CSMD1: variants seen among roughly 807,000 people sequenced by gnomAD.
The protein encoded by CSMD1 is CUB and sushi domain-containing protein 1.
In CSMD1, 213 loss-of-function variants were observed where a neutral mutation model predicts 417.5. The observed-to-expected ratio is 0.51, with a 90% CI of 0.46 to 0.57. The LOEUF (loss-of-function observed/expected upper bound fraction) is 0.57. Ranked by LOEUF, CSMD1 falls within the 20% of genes least tolerant of loss-of-function variation. The pLI is 0.00. For synonymous variants in CSMD1, 2,862 were observed against 1,736.8 expected (o/e 1.65, Z -16.11); for missense variants, 6,923 against 4,529.7 (o/e 1.53, Z -15.17).
intron 3 of CSMD1, among the ~76,000 whole-genome samples, chr8:4,191,415 A>G (rs1050217009): frequency 2.6e-5 from 4 of 151,954 alleles, no homozygotes; most frequent in African/African-American, 4.8e-5. Flanking sequence ...AAAAAACAAA[A>G]CAAAACAAAA....
At chr8:3,845,266 G>C (rs779434787) in intron 5 of CSMD1, among the ~76,000 whole-genome samples, 5 of 152,176 alleles carry the variant, frequency 3.3e-5, no homozygotes, top group Non-Finnish European at 7.3e-5. Flanking sequence ...ATTTGTCCTT[G>C]TGCAAATATC....
At chr8:2,999,424 G>T (rs529457644) in intron 53 of CSMD1, among the ~76,000 whole-genome samples, 3 of 152,266 alleles carry the variant, frequency 2.0e-5, no homozygotes, top group Non-Finnish European at 1.5e-5. Context: ...AAAGTGCTGG[G>T]ATTACAGGCG....
At chr8:4,400,242 A>G (rs1804556154) in intron 3 of CSMD1, among the ~76,000 whole-genome samples, 1 of 152,220 alleles carries the variant, frequency 6.6e-6, no homozygotes, top group Non-Finnish European at 1.5e-5. Context: ...TGGACATGGA[A>G]GAAGTTCTGG....
chr8:4,117,757 T>G (rs1802240660), intron 3 of CSMD1, among the ~76,000 whole-genome samples: 1 of 152,010 alleles, frequency 6.6e-6, no homozygotes, highest in African/African-American at 2.4e-5. Context: ...AAATAGATAT[T>G]CAGAAACACA....
In CSMD1 at chr8:3,255,125, C is replaced by T. The variant is rs148589138; in HGVS notation, c.4154-24894G>A. On this transcript the variant is annotated intron_variant, in intron 26 of 69. Coordinates refer to ENST00000635120, the MANE Select transcript of CSMD1 (RefSeq NM_033225.6). ...TCAGCTGCCGGTCTCTTGGAGTTTGCGGAGGTCCACTCCAGAACCTATTTG... is the reference window on the plus strand; with the variant it reads ...TCAGCTGCCGGTCTCTTGGAGTTTGTGGAGGTCCACTCCAGAACCTATTTG... Among the ~76,000 whole-genome samples, 1,003 of 152,248 alleles carry T rather than the reference C, an allele frequency of 6.6e-3. 18 individuals carry two copies. The highest frequency in any genetic ancestry group is 0.022 in the African/African-American group (929 of 41,530).
intron 1 of CSMD1, among the ~76,000 whole-genome samples, chr8:4,648,895 G>C (rs561678512): frequency 2.1e-4 from 32 of 152,172 alleles, no homozygotes; most frequent in Admixed American, 3.9e-4. Flanking sequence ...ATAAGAGTGT[G>C]CTTCCGCATA....
intron 5 of CSMD1, among the ~76,000 whole-genome samples, chr8:3,892,920 T>G (rs1807083200): frequency 6.6e-6 from 1 of 151,624 alleles, no homozygotes; most frequent in Admixed American, 6.6e-5. Context: ...AAGAGGCCTC[T>G]CTGTGAAATT....
intron 1 of CSMD1, among the ~76,000 whole-genome samples, chr8:4,968,253 G>A (rs1480990708): frequency 1.8e-5 from 2 of 109,918 alleles, no homozygotes; most frequent in African/African-American, 7.0e-5. Flanking sequence ...TTTATATTAT[G>A]GAGAGCTAAC....
chr8:4,472,101 T>C (rs1800567703), intron 2 of CSMD1, among the ~76,000 whole-genome samples: 1 of 152,226 alleles, frequency 6.6e-6, no homozygotes, highest in African/African-American at 2.4e-5. Flanking sequence ...AGATCTGTTC[T>C]AAAGAATGCT....
chr8:4,005,724 T>G (rs1419525200), intron 4 of CSMD1, among the ~76,000 whole-genome samples: 1 of 152,216 alleles, frequency 6.6e-6, no homozygotes, highest in Non-Finnish European at 1.5e-5. Context: ...TTGATTTGTT[T>G]CAGCTAAATA....
At chr8:4,167,894 G>A (rs930750014) in intron 3 of CSMD1, among the ~76,000 whole-genome samples, 11 of 152,068 alleles carry the variant, frequency 7.2e-5, no homozygotes, top group African/African-American at 2.4e-4. Context: ...TTGGGAGGCT[G>A]AGGCAGGCGG....
chr8:4,473,248 T>C (rs1800630425), intron 2 of CSMD1, among the ~76,000 whole-genome samples: 1 of 152,202 alleles, frequency 6.6e-6, no homozygotes, highest in Non-Finnish European at 1.5e-5. Context: ...TTTTGTAAAA[T>C]TGTAAACTCT....
chr8:4,800,469 T>A (rs1365462644), intron 1 of CSMD1, among the ~76,000 whole-genome samples: 4 of 151,344 alleles, frequency 2.6e-5, no homozygotes, highest in African/African-American at 7.3e-5. Context: ...AATTAAAAAT[T>A]AATCACCTTT....
intron 2 of CSMD1, among the ~76,000 whole-genome samples, chr8:4,538,731 C>G (rs1011427629): frequency 6.6e-6 from 1 of 152,146 alleles, no homozygotes; most frequent in East Asian, 1.9e-4. Context: ...AGCAAGTAAA[C>G]CTCCAAATTA....
chr8:4,339,443 G>A (rs1044479176), intron 3 of CSMD1, among the ~76,000 whole-genome samples: 1 of 152,094 alleles, frequency 6.6e-6, no homozygotes, highest in Non-Finnish European at 1.5e-5. Flanking sequence ...GCTGGTGTTT[G>A]AATCAGCTGT....
intron 3 of CSMD1, among the ~76,000 whole-genome samples, chr8:4,120,644 TAGTC>T (rs1802434926): frequency 6.6e-6 from 1 of 152,246 alleles, no homozygotes; most frequent in South Asian, 2.1e-4. Flanking sequence ...TGGCCTTCTC[TAGTC>T]AGTAACTTCA....
Position 4,957,833 on chromosome 8 carries a change from G to C in CSMD1, c.85+36499C>G, listed in dbSNP as rs547949376. On this transcript the variant is annotated intron_variant, in intron 1 of 69. Coordinates refer to ENST00000635120, the MANE Select transcript of CSMD1 (RefSeq NM_033225.6). ...GCTAAGTAGGTGGATAGTACAATTGGACAATACTCAGCTCCTGCAGTCACT... is the reference window on the plus strand; with the variant it reads ...GCTAAGTAGGTGGATAGTACAATTGCACAATACTCAGCTCCTGCAGTCACT... 3.3e-5 allele frequency among the ~76,000 whole-genome samples: 5 copies of C among 152,232 alleles called. No homozygotes were observed. In the South Asian group the frequency reaches 6.2e-4, roughly 19 times the overall value.
At chr8:4,075,575 T>C in intron 3 of CSMD1, among the ~76,000 whole-genome samples, 1 of 152,236 alleles carries the variant, frequency 6.6e-6, no homozygotes. Context: ...TATTAAACGA[T>C]GATTAATTTA....
intron 1 of CSMD1, among the ~76,000 whole-genome samples, chr8:4,713,303 G>A (rs1237065216): frequency 6.6e-6 from 1 of 152,214 alleles, no homozygotes; most frequent in African/African-American, 2.4e-5. Flanking sequence ...GGAAACCTGG[G>A]ATGCTTAAAG....
Sources: gnomAD v4.1 joint callset for allele counts (sites outside exome capture counted in the v4.1 genomes callset) on GRCh38, gnomAD v4.1.1 for gene constraint, MANE v1.5 for transcripts, NCBI Gene and HGNC (gene_info 2026-07-23, HGNC 2026-07-21) for gene names.